GALNT13: variants seen among roughly 807,000 people sequenced by gnomAD.
The protein encoded by GALNT13 is polypeptide N-acetylgalactosaminyltransferase 13, also known as UDP-GalNAc:polypeptide N-acetylgalactosaminyltransferase 13.
A neutral mutation model predicts 64.2 loss-of-function variants in GALNT13; 28 were observed. The ratio of observed to expected loss-of-function variants is 0.44; its 90% CI spans 0.32 to 0.60. GALNT13 has a LOEUF of 0.60. Among genes scored for constraint, GALNT13 ranks in the 20% least tolerant of loss-of-function variants. GALNT13 has a pLI of 0.05. For missense variants in GALNT13, 577 were observed against 669.8 expected (o/e 0.86, Z 1.53); for synonymous variants, 214 against 224.6 (o/e 0.95, Z 0.42).
At chr2:153,829,170 CA>C in the GALNT13 span, among the ~76,000 whole-genome samples, 9 of 152,106 alleles carry the variant, frequency 5.9e-5, no homozygotes, top group African/African-American at 2.2e-4. Context: ...TAAACTGTTC[CA>C]ACCTCTGCTT....
chr2:153,772,054 T>C, the GALNT13 span, among the ~76,000 whole-genome samples: 3 of 152,308 alleles, frequency 2.0e-5, no homozygotes, highest in East Asian at 1.9e-4. Flanking sequence ...GCAACTCTTC[T>C]TGCTGCAGTC....
At chr2:154,080,215 CA>C (rs1553475114) in intron 3 of GALNT13, among the ~76,000 whole-genome samples, 1 of 151,458 alleles carries the variant, frequency 6.6e-6, no homozygotes, top group African/African-American at 2.4e-5. Flanking sequence ...ATTCATTCTG[CA>C]AAAAATTCAC....
the GALNT13 span, among the ~76,000 whole-genome samples, chr2:153,461,260 A>G: frequency 6.6e-6 from 1 of 152,100 alleles, no homozygotes; most frequent in Non-Finnish European, 1.5e-5. Context: ...ATGCAGGAAA[A>G]AAAGGAAAGA....
At chr2:153,630,409 A>G in the GALNT13 span, among the ~76,000 whole-genome samples, 2 of 149,734 alleles carry the variant, frequency 1.3e-5, no homozygotes, top group Admixed American at 6.7e-5. Context: ...CAAAAAAACA[A>G]ACACCGCATG....
intron 9 of GALNT13, among the ~76,000 whole-genome samples, chr2:154,366,920 A>G (rs896717019): frequency 6.6e-6 from 1 of 152,208 alleles, no homozygotes; most frequent in Non-Finnish European, 1.5e-5. Context: ...AGGTGAGCAT[A>G]TAGGGACTGA....
At chr2:153,281,183 C>T in the GALNT13 span, among the ~76,000 whole-genome samples, 3 of 151,880 alleles carry the variant, frequency 2.0e-5, no homozygotes, top group Non-Finnish European at 4.4e-5. Flanking sequence ...ATAGTGACTC[C>T]TGGTATTTTT....
At chr2:153,327,089 A>AT in the GALNT13 span, among the ~76,000 whole-genome samples, 28 of 151,784 alleles carry the variant, frequency 1.8e-4, no homozygotes, top group Non-Finnish European at 2.9e-4. Context: ...GTCTCAAAAA[A>AT]TAAAAAAAAA....
rs368448299 is a variant in GALNT13, at chr2:154,075,478, A to G, written c.143-64859A>G. ...AAGTATCATTAAATATTCCTCTATA[A>G]CAGTTTTAGTTACTAAGTAGAATTT... On this transcript the variant is annotated intron_variant, in intron 3 of 12. Transcript: ENST00000392825. Among the ~76,000 whole-genome samples, 15 of 151,984 alleles carry G rather than the reference A, an allele frequency of 9.9e-5. No homozygotes were observed. In the East Asian group the frequency reaches 1.5e-3, roughly 16 times the overall value.
chr2:154,062,800 G>C (rs1700258582), intron 3 of GALNT13, among the ~76,000 whole-genome samples: 1 of 151,960 alleles, frequency 6.6e-6, no homozygotes, highest in Admixed American at 6.6e-5. Context: ...TTCTAATTCA[G>C]AGTGTTTTTA....
At chr2:154,424,964 T>C (rs1700408631) in intron 11 of GALNT13, among the ~76,000 whole-genome samples, 1 of 152,182 alleles carries the variant, frequency 6.6e-6, no homozygotes, top group South Asian at 2.1e-4. Context: ...TAGAAAACTT[T>C]GGTATTATTT....
chr2:154,430,556 G>A (rs1700665117), intron 11 of GALNT13, among the ~76,000 whole-genome samples: 1 of 152,182 alleles, frequency 6.6e-6, no homozygotes, highest in Non-Finnish European at 1.5e-5. Flanking sequence ...TGAAGATGCT[G>A]TGAACACTGT....
chr2:153,393,509 T>C, the GALNT13 span, among the ~76,000 whole-genome samples: 2 of 152,076 alleles, frequency 1.3e-5, no homozygotes, highest in African/African-American at 4.8e-5. Flanking sequence ...ATATTAATGT[T>C]CCGTTGCTGT....
chr2:153,792,994 T>C, the GALNT13 span, among the ~76,000 whole-genome samples: 1 of 144,102 alleles, frequency 6.9e-6, no homozygotes, highest in Non-Finnish European at 1.5e-5. Context: ...TTTTTTGAGA[T>C]GGAGTCTCAC....
chr2:153,705,448 A>G, the GALNT13 span, among the ~76,000 whole-genome samples: 1 of 152,092 alleles, frequency 6.6e-6, no homozygotes, highest in African/African-American at 2.4e-5. Context: ...ACTACCAGAA[A>G]ACTCAGTGAG....
the GALNT13 span, among the ~76,000 whole-genome samples, chr2:153,353,149 G>T: frequency 2.6e-5 from 4 of 151,856 alleles, no homozygotes; most frequent in African/African-American, 9.7e-5. Context: ...ATGTTTTGTG[G>T]TTTTTCTCAT....
chr2:153,695,493 T>A, the GALNT13 span, among the ~76,000 whole-genome samples: 1 of 152,162 alleles, frequency 6.6e-6, no homozygotes. Context: ...CAGGAATGAT[T>A]ATTTGATTTA....
the GALNT13 span, among the ~76,000 whole-genome samples, chr2:153,213,216 A>T: frequency 6.6e-6 from 1 of 152,006 alleles, no homozygotes; most frequent in Non-Finnish European, 1.5e-5. Flanking sequence ...GTTTCCTTCC[A>T]CCCCATCATC....
At chr2:153,359,128 T>C in the GALNT13 span, among the ~76,000 whole-genome samples, 1 of 152,352 alleles carries the variant, frequency 6.6e-6, no homozygotes, top group African/African-American at 2.4e-5. Flanking sequence ...GATTTCTTTA[T>C]TGATGGTAAT....
chr2:153,886,653 T>C (rs753402006), intron 1 of GALNT13, among the ~76,000 whole-genome samples: 1 of 152,006 alleles, frequency 6.6e-6, no homozygotes, highest in Non-Finnish European at 1.5e-5. Context: ...TCTTGATAGT[T>C]TGTGATTACC....
Sources: allele counts gnomAD v4.1 joint callset (sites outside exome capture counted in the v4.1 genomes callset), GRCh38; gene constraint gnomAD v4.1.1; transcripts MANE v1.5; gene names NCBI Gene and HGNC (gene_info 2026-07-23, HGNC 2026-07-21).